Variants in PTPRT observed in about 807,000 individuals in gnomAD.
PTPRT encodes receptor-type tyrosine-protein phosphatase T.
Under a neutral mutation model 176.8 loss-of-function variants are expected in PTPRT, and 56 were observed. The observed-to-expected ratio is 0.32, with a 90% CI of 0.26 to 0.40. The LOEUF (loss-of-function observed/expected upper bound fraction) is 0.40, where lower values mean the gene tolerates loss of function less well. Among genes scored for constraint, PTPRT ranks in the 10% least tolerant of loss-of-function variants. PTPRT has a pLI of 1.00. For missense variants in PTPRT, 1,540 were observed against 1,908.2 expected, an observed-to-expected ratio of 0.81 and a Z score of 3.60; for synonymous variants, 783 against 739.0, an observed-to-expected ratio of 1.06 and a Z score of -0.96.
At chr20:42,853,028 G>C (rs1242662006) in intron 2 of PTPRT, among the ~76,000 whole-genome samples, 1 of 152,218 alleles carries the variant, frequency 6.6e-6, no homozygotes. Flanking sequence ...TCAGAAGCTA[G>C]ATGATGAAGC....
chr20:42,628,098 G>A (rs56928499), intron 7 of PTPRT, among the ~76,000 whole-genome samples: 18,386 of 152,132 alleles, frequency 0.12, 1,190 homozygotes, highest in South Asian at 0.15. Context: ...AAGACACACA[G>A]GGTGGGGAAA....
chr20:42,952,551 T>A (rs147025428), intron 1 of PTPRT, among the ~76,000 whole-genome samples: 1 of 152,214 alleles, frequency 6.6e-6, no homozygotes, highest in Non-Finnish European at 1.5e-5. Flanking sequence ...TTTCCTTATC[T>A]GTCAAATGGG....
chr20:42,109,467 G>A (rs1014401352), intron 23 of PTPRT, among the ~76,000 whole-genome samples: 2 of 152,134 alleles, frequency 1.3e-5, no homozygotes, highest in Admixed American at 6.6e-5. Context: ...TGACTTTCTA[G>A]GTCAGAGCTG....
chr20:42,966,086 G>C (rs1184209548), intron 1 of PTPRT, among the ~76,000 whole-genome samples: 1 of 152,218 alleles, frequency 6.6e-6, no homozygotes, highest in African/African-American at 2.4e-5. Context: ...GAATAGCCAA[G>C]AGGAGTTGGG....
At chr20:42,795,415 A>G (rs1028685008) in intron 2 of PTPRT, among the ~76,000 whole-genome samples, 4 of 152,256 alleles carry the variant, frequency 2.6e-5, no homozygotes, top group African/African-American at 9.6e-5. Context: ...TCTCCATAGC[A>G]GATGGTGGCT....
Position 43,090,361 on chromosome 20 carries a change from G to A in PTPRT, c.88+99285C>T, listed in dbSNP as rs969998379. 3.6e-4 allele frequency among the ~76,000 whole-genome samples: 55 copies of A among 151,286 alleles called. 1 individual carries two copies. Among genetic ancestry groups the A allele is most frequent in the Non-Finnish European group, 7.4e-5 (5 of 67,920 alleles). ...CAGCTCACTGCAAGCTCCGCCTCCCGGGTTCATGCCATTCTCCTGCCTCAG... is the reference window on the plus strand; with the variant it reads ...CAGCTCACTGCAAGCTCCGCCTCCCAGGTTCATGCCATTCTCCTGCCTCAG... On this transcript the variant is annotated intron_variant, in intron 1 of 30. Coordinates refer to ENST00000373187, the MANE Select transcript of PTPRT (RefSeq NM_007050.6).
chr20:42,971,178 A>G (rs1982615185), intron 1 of PTPRT: 1 of 152,242 alleles, frequency 6.6e-6, no homozygotes, highest in Non-Finnish European at 1.5e-5. Flanking sequence ...ATTATCAGCA[A>G]TGCATGTCAG....
chr20:42,108,919 T>A (rs1473723331), intron 23 of PTPRT, among the ~76,000 whole-genome samples: 3 of 151,882 alleles, frequency 2.0e-5, no homozygotes, highest in Non-Finnish European at 2.9e-5. Context: ...GAAGTCCTGA[T>A]GATAAACAAA....
intron 6 of PTPRT, among the ~76,000 whole-genome samples, chr20:42,754,336 C>T (rs569177232): frequency 6.6e-5 from 10 of 152,190 alleles, no homozygotes; most frequent in African/African-American, 2.2e-4. Flanking sequence ...GAGGCACGAG[C>T]CACCACACCC....
chr20:42,640,498 C>A (rs1035496196), intron 7 of PTPRT, among the ~76,000 whole-genome samples: 2 of 152,026 alleles, frequency 1.3e-5, no homozygotes, highest in Non-Finnish European at 1.5e-5. Flanking sequence ...AAGTGATTCT[C>A]GTGCCTCAGG....
chr20:42,599,385 C>T (rs1448920370), intron 7 of PTPRT, among the ~76,000 whole-genome samples: 1 of 152,136 alleles, frequency 6.6e-6, no homozygotes, highest in African/African-American at 2.4e-5. Context: ...TTCTGCAAAC[C>T]ACCGGAGCTT....
chr20:42,571,546 T>C (rs920051627), intron 7 of PTPRT, among the ~76,000 whole-genome samples: 1 of 152,236 alleles, frequency 6.6e-6, no homozygotes, highest in African/African-American at 2.4e-5. Flanking sequence ...GGTAATTTGC[T>C]ACAGCAGCAA....
chr20:42,356,386 A>AG (rs1458938417), intron 9 of PTPRT, among the ~76,000 whole-genome samples: 1 of 152,106 alleles, frequency 6.6e-6, no homozygotes, highest in Admixed American at 6.5e-5. Flanking sequence ...CAGAAACCAA[A>AG]GCAGGTGCTT....
chr20:42,470,728 A>G (rs79761540), intron 8 of PTPRT, among the ~76,000 whole-genome samples: 8,937 of 152,114 alleles, frequency 0.059, 390 homozygotes, highest in Non-Finnish European at 0.089. Flanking sequence ...ACATTTGAGC[A>G]AAGACTTGAA....
intron 6 of PTPRT, among the ~76,000 whole-genome samples, chr20:42,706,123 C>T (rs550731617): frequency 1.1e-4 from 16 of 151,766 alleles, no homozygotes; most frequent in Non-Finnish European, 1.9e-4. Flanking sequence ...GTATGTCTGT[C>T]TGTCTGTGTC....
At chr20:42,883,731 C>T (rs147896177) in intron 2 of PTPRT, among the ~76,000 whole-genome samples, 127 of 1,134 alleles carry the variant, frequency 0.11, 3 homozygotes, top group Middle Eastern at 0.3. Context: ...CCCATACACC[C>T]CCATACACTC....
At chr20:42,991,784 G>A (rs1401771228) in intron 1 of PTPRT, among the ~76,000 whole-genome samples, 1 of 152,134 alleles carries the variant, frequency 6.6e-6, no homozygotes, top group Non-Finnish European at 1.5e-5. Context: ...CATAATATAA[G>A]CATATCTGAT....
At chr20:42,731,473 C>T (rs556316442) in intron 6 of PTPRT, among the ~76,000 whole-genome samples, 2 of 152,318 alleles carry the variant, frequency 1.3e-5, no homozygotes, top group South Asian at 2.1e-4. Flanking sequence ...ATGCACTACC[C>T]ATGTACAGCC....
intron 9 of PTPRT, among the ~76,000 whole-genome samples, chr20:42,382,281 G>A (rs1044188225): frequency 3.9e-5 from 6 of 152,200 alleles, no homozygotes; most frequent in Admixed American, 3.3e-4. Context: ...CTGGGCCTGA[G>A]CTAGCCTTTG....
Sources: gnomAD v4.1 joint callset for allele counts (sites outside exome capture counted in the v4.1 genomes callset) on GRCh38, gnomAD v4.1.1 for gene constraint, MANE v1.5 for transcripts, NCBI Gene and HGNC (gene_info 2026-07-23, HGNC 2026-07-21) for gene names.